Variants in UBA5 observed in about 807,000 individuals in gnomAD.
The protein encoded by UBA5 is ubiquitin-like modifier-activating enzyme 5.
In UBA5, 28 loss-of-function variants were observed where a neutral mutation model predicts 52.9. That is an observed-to-expected ratio of 0.53 (90% CI 0.39 to 0.73). The LOEUF (loss-of-function observed/expected upper bound fraction) is 0.73, where lower values mean the gene tolerates loss of function less well. Among genes scored for constraint, UBA5 ranks in the 30% least tolerant of loss-of-function variants. The pLI is 0.00. For synonymous variants in UBA5, 135 were observed against 162.1 expected (o/e 0.83, Z 1.27); for missense variants, 388 against 492.7 (o/e 0.79, Z 2.01).
intron 4 of UBA5, among the ~76,000 whole-genome samples, chr3:132,669,483 G>T (rs963269552): frequency 1.3e-5 from 2 of 152,152 alleles, no homozygotes; most frequent in African/African-American, 4.8e-5. Context: ...GCCCAGGCTG[G>T]TCTCAAACTC....
At chr3:132,661,970 G>C (rs2107925510) in intron 1 of UBA5, among the ~76,000 whole-genome samples, 1 of 152,306 alleles carries the variant, frequency 6.6e-6, no homozygotes, top group African/African-American at 2.4e-5. Context: ...ATCAGAATAA[G>C]TGGAAACTAT....
upstream of UBA5, chr3:132,659,891 C>A: frequency 9.5e-7 from 1 of 1,049,288 alleles, no homozygotes; most frequent in Admixed American, 3.3e-5. Context: ...ACACAGCCTA[C>A]GCGCCGTTGC....
chr3:132,669,817 A>T (rs1045603487), intron 4 of UBA5, among the ~76,000 whole-genome samples: 1 of 152,206 alleles, frequency 6.6e-6, no homozygotes, highest in South Asian at 2.1e-4. Flanking sequence ...CCCAACACTT[A>T]GATTGATTGG....
In UBA5 at chr3:132,676,477, A is replaced by G. The variant is rs1444935120; in HGVS notation, c.1166A>G (p.Asp389Gly). 4 of 1,611,252 alleles carry G rather than the reference A, an allele frequency of 2.5e-6. No homozygotes were observed. Among genetic ancestry groups the G allele is most frequent in the Non-Finnish European group, 3.4e-6 (4 of 1,178,944 alleles). Residue 389 changes from aspartate (D) to glycine (G), a missense_variant, in exon 12 of 12, where the codon GAT becomes GGT. Physicochemically the swap from Asp to Gly is moderately conservative, Grantham distance 94. This residue lies in a region of UBA5 where 277 missense variants were observed against 326.4 expected (regional missense o/e 0.85). Coordinates refer to ENST00000356232, the MANE Select transcript of UBA5 (RefSeq NM_024818.6). This position sits in a 1 kb window ranked among gnomAD's most constrained non-coding sequence, Gnocchi z 4.1. ...TCTGTCACTGAGTTAACAGTGGAAG[A>G]TTCTGGTGAAAGCTTGGAAGACCTC... is the stretch of plus-strand genomic sequence containing the variant. ...EDSVTELTVE[D>G]SGESLEDLMA...
chr3:132,663,155 C>T (rs1368396735), intron 1 of UBA5, among the ~76,000 whole-genome samples: 1 of 152,060 alleles, frequency 6.6e-6, no homozygotes, highest in Non-Finnish European at 1.5e-5. Flanking sequence ...ATCTTAAGCT[C>T]GCAACCCAGT....
At position 132,678,956 on chromosome 3, in the gene UBA5, A is replaced by C. The variant is rs1409080070; in HGVS notation, c.*2430A>C. Among the ~76,000 whole-genome samples, 1 of 151,842 alleles carries C rather than the reference A, an allele frequency of 6.6e-6. No individual in the cohort carries two copies. The highest frequency in any genetic ancestry group is 1.5e-5 in the Non-Finnish European group (1 of 67,972). ...TGAGCCACCACGCCCAGCCAAGAAT[A>C]TTTACTAAAGGAAGCTTTGACCCCT... is the stretch of plus-strand genomic sequence containing the variant. On this transcript the variant is annotated 3_prime_UTR_variant, in exon 12 of 12. Coordinates refer to ENST00000356232, the MANE Select transcript of UBA5 (RefSeq NM_024818.6).
At chr3:132,666,491 T>A (rs1012476607) in intron 3 of UBA5, among the ~76,000 whole-genome samples, 2 of 152,138 alleles carry the variant, frequency 1.3e-5, no homozygotes, top group Non-Finnish European at 1.5e-5. Context: ...TTTTTAAAAA[T>A]TGGTACTCTT....
At position 132,674,577 on chromosome 3, in the gene UBA5, A is replaced by G. The variant is rs561547906; in HGVS notation, c.813-671A>G. Among the ~76,000 whole-genome samples the G allele has an allele frequency of 2.0e-5, 3 of 152,254 alleles. No homozygotes were observed. The South Asian group carries it at 6.2e-4, about 32-fold the overall frequency. ...CGTGGTGGTGCTTGCCTGTAGTCGCAGCTACTTGGGAGGCTGAGATGGGAT... is the reference window on the plus strand; with the variant it reads ...CGTGGTGGTGCTTGCCTGTAGTCGCGGCTACTTGGGAGGCTGAGATGGGAT... On this transcript the variant is annotated intron_variant, in intron 8 of 11. Coordinates refer to ENST00000356232, the MANE Select transcript of UBA5 (RefSeq NM_024818.6).
At chr3:132,657,648 G>A (rs143281549), upstream of UBA5, among the ~76,000 whole-genome samples, 106 of 152,082 alleles carry the variant, frequency 7.0e-4, 1 homozygote, top group African/African-American at 2.0e-3. Context: ...TTTTACTTAG[G>A]TAATTTATAT....
chr3:132,673,546 C>T (rs1938696313), intron 8 of UBA5, among the ~76,000 whole-genome samples: 1 of 152,026 alleles, frequency 6.6e-6, no homozygotes, highest in African/African-American at 2.4e-5. Context: ...CAAGGTTTCA[C>T]CATGTTGCTC....
upstream of UBA5, chr3:132,660,123 C>A: frequency 3.0e-6 from 1 of 338,612 alleles, no homozygotes; most frequent in Admixed American, 4.5e-5. This position sits in a 1 kb window ranked among gnomAD's most constrained non-coding sequence, Gnocchi z 4.1. Context: ...TGCAGGGTCC[C>A]GTTCAGAAAA....
intron 8 of UBA5, among the ~76,000 whole-genome samples, chr3:132,673,529 G>A (rs1938695573): frequency 6.6e-6 from 1 of 151,830 alleles, no homozygotes; most frequent in Non-Finnish European, 1.5e-5. Context: ...TGTATTTTTT[G>A]TAGAGACAAG....
chr3:132,654,765 C>T (rs897131194), intron 1 of UBA5: 1 of 152,194 alleles, frequency 6.6e-6, no homozygotes, highest in Non-Finnish European at 1.5e-5. Context: ...TCTATTAATG[C>T]CTATGTGTGT....
chr3:132,669,577 T>C (rs918763135), intron 4 of UBA5, among the ~76,000 whole-genome samples: 1 of 152,180 alleles, frequency 6.6e-6, no homozygotes, highest in African/African-American at 2.4e-5. Context: ...CTGATAAAAT[T>C]TTTATAGTCA....
At chr3:132,663,032 G>A (rs566624866) in intron 1 of UBA5, among the ~76,000 whole-genome samples, 4 of 152,192 alleles carry the variant, frequency 2.6e-5, no homozygotes, top group African/African-American at 4.8e-5. Flanking sequence ...TAAAGGGTTC[G>A]TATTAATAAC....
rs950689928 is a variant in UBA5 at position 132,671,965 on chromosome 3, A to C, written c.684+84A>C. The C allele has an allele frequency of 2.5e-6, 4 of 1,601,282 alleles. No individual in the cohort carries two copies. The African/African-American group carries it at 5.4e-5, about 22-fold the overall frequency. On this transcript the variant is annotated intron_variant, in intron 7 of 11. Transcript: ENST00000356232. ...ATTGAAAATGTATTACAATTCAAAGAAAAAGCAAACTTGGATGGAATACTA... is the reference window on the plus strand; with the variant it reads ...ATTGAAAATGTATTACAATTCAAAGCAAAAGCAAACTTGGATGGAATACTA...
intron 6 of UBA5, 110 bp downstream of exon 6, chr3:132,671,159 C>G (rs1235390030): frequency 2.2e-6 from 2 of 889,740 alleles, no homozygotes; most frequent in Non-Finnish European, 3.5e-6. Flanking sequence ...AAACCCTTTT[C>G]TGTGTTTTAT....
intron 1 of UBA5, 67 bp from the exon 2 acceptor site, chr3:132,665,756 A>G: frequency 1.4e-6 from 2 of 1,395,682 alleles, no homozygotes; most frequent in South Asian, 1.2e-5. Context: ...GTGATGATGT[A>G]TGTCTATTTG....
intron 1 of UBA5, among the ~76,000 whole-genome samples, chr3:132,661,304 C>G (rs552602512): frequency 4.6e-5 from 7 of 152,340 alleles, no homozygotes; most frequent in Non-Finnish European, 5.9e-5. Flanking sequence ...TCTAACTACT[C>G]TCTTCGTAAC....
Sources: allele counts gnomAD v4.1 joint callset (sites outside exome capture counted in the v4.1 genomes callset), GRCh38; gene constraint gnomAD v4.1.1; regional missense constraint gnomAD v4.1.1; non-coding constraint Gnocchi (gnomAD v3.1); transcripts MANE v1.5; gene names NCBI Gene and HGNC (gene_info 2026-07-23, HGNC 2026-07-21).